The following ABL1 variants were observed in gnomAD, a reference collection of about 807,000 sequenced individuals.
The protein encoded by ABL1 is ABL proto-oncogene 1, non-receptor tyrosine kinase.
A neutral mutation model predicts 94.7 loss-of-function variants in ABL1; 11 were observed. The observed-to-expected ratio is 0.12, with a 90% CI of 0.07 to 0.19. The LOEUF is 0.19. ABL1 is among the 10% of genes least tolerant of loss of function. The probability of loss-of-function intolerance (pLI) is 1.00; values close to 1 mark genes in which losing one functional copy is unlikely to be tolerated. For missense variants in ABL1, 1,082 were observed against 1,489.4 expected, an observed-to-expected ratio of 0.73 and a Z score of 4.50; for synonymous variants, 656 against 622.4, an observed-to-expected ratio of 1.05 and a Z score of -0.80.
chr9:130,816,766 C>T (rs989331183), intron 1 of ABL1, among the ~76,000 whole-genome samples: 22 of 152,062 alleles, frequency 1.4e-4, no homozygotes, highest in Admixed American at 5.2e-4. Context: ...CAGAGTGGTG[C>T]GATCTCAGCT....
intron 4 of ABL1, among the ~76,000 whole-genome samples, chr9:130,867,880 A>G (rs1168931260): frequency 2.0e-5 from 3 of 151,216 alleles, no homozygotes; most frequent in African/African-American, 7.3e-5. Context: ...CTCGAGCTTC[A>G]AGTCCCACCT....
chr9:130,745,271 A>C (rs1483179171), intron 1 of ABL1, among the ~76,000 whole-genome samples: 1 of 151,838 alleles, frequency 6.6e-6, no homozygotes, highest in African/African-American at 2.4e-5. Context: ...TTTAGTAGAG[A>C]CAGGATTTCT....
chr9:130,718,276 C>T (rs556400873), intron 1 of ABL1, among the ~76,000 whole-genome samples: 21 of 144,556 alleles, frequency 1.5e-4, no homozygotes, highest in Non-Finnish European at 2.4e-4. Flanking sequence ...TGAGATCGCA[C>T]CACTGCACTT....
At chr9:130,766,920 A>G (rs975229842) in intron 1 of ABL1, among the ~76,000 whole-genome samples, 5 of 152,010 alleles carry the variant, frequency 3.3e-5, no homozygotes, top group Non-Finnish European at 7.4e-5. Flanking sequence ...ATGGGTACCC[A>G]TCTCAGTTAG....
Position 130,735,961 on chromosome 9 carries a change from A to ATATATTTTTT in ABL1, c.136+21507_136+21508insATATTTTTTT, listed in dbSNP as rs573602038. Among the ~76,000 whole-genome samples the ATATATTTTTT allele has an allele frequency of 3.2e-3, 307 of 94,756 alleles. 1 individual carries two copies. Among genetic ancestry groups the ATATATTTTTT allele is most frequent in the African/African-American group, 9.1e-3 (142 of 15,652 alleles). The allele number at this position is 94,756 out of a possible 152,430, so 62.2% of individuals were successfully genotyped here. ...TATATATATATATATATATATATAT[A>ATATATTTTTT]TTTTTTTTTTTTAAGACAGGGTCTG... On this transcript the variant is annotated intron_variant, in intron 1 of 10. Transcript: ENST00000372348.
At chr9:130,768,730 A>T (rs1832215008) in intron 1 of ABL1, among the ~76,000 whole-genome samples, 2 of 152,176 alleles carry the variant, frequency 1.3e-5, no homozygotes, top group African/African-American at 4.8e-5. Context: ...TAATAGGCCC[A>T]CTCTATAGGG....
At position 130,877,619 on chromosome 9, in the gene ABL1, T is replaced by C. The variant is rs1208618708; in HGVS notation, c.1271-796T>C. 1.4e-5 allele frequency among the ~76,000 whole-genome samples: 2 copies of C among 146,768 alleles called. 1 individual carries two copies. Among genetic ancestry groups the C allele is most frequent in the African/African-American group, 5.2e-5 (2 of 38,122 alleles). On this transcript the variant is annotated intron_variant, in intron 7 of 10. Transcript: ENST00000318560. ...ATGTTTGTGGGGTAAGTTTACTGAG[T>C]CTTGTTCTGTCCTGGTCTCCTTTTT...
intron 1 of ABL1, among the ~76,000 whole-genome samples, chr9:130,836,707 C>T (rs907672051): frequency 2.0e-5 from 3 of 151,760 alleles, no homozygotes; most frequent in Admixed American, 6.6e-5. Context: ...CGCCTGTAAT[C>T]CCAGCTACTC....
At chr9:130,733,291 C>G (rs1298425295) in intron 1 of ABL1, among the ~76,000 whole-genome samples, 2 of 152,178 alleles carry the variant, frequency 1.3e-5, no homozygotes, top group African/African-American at 4.8e-5. Context: ...ACAAACAACT[C>G]CCAGATTTGC....
At chr9:130,851,353 C>A (rs965088349) in intron 1 of ABL1, among the ~76,000 whole-genome samples, 1 of 152,056 alleles carries the variant, frequency 6.6e-6, no homozygotes, top group South Asian at 2.1e-4. Context: ...AGAAAAATTA[C>A]CAAATATTGT....
At position 130,767,524 on chromosome 9, in the gene ABL1, G is replaced by A. The variant is rs1832199402; in HGVS notation, c.136+53069G>A. On this transcript the variant is annotated intron_variant, in intron 1 of 10. Transcript: ENST00000372348. ...ATTTTTGTATTTTTAGTAGAGATGG[G>A]GTTTCAACATGTTAGCCAGGCTGGT... Among the ~76,000 whole-genome samples the A allele has an allele frequency of 2.6e-5, 4 of 152,266 alleles. No homozygotes were observed. In the South Asian group the frequency reaches 8.3e-4, roughly 32 times the overall value.
chr9:130,786,762 C>T (rs1829831327), intron 1 of ABL1, among the ~76,000 whole-genome samples: 1 of 152,120 alleles, frequency 6.6e-6, no homozygotes, highest in Admixed American at 6.5e-5. Context: ...ACTTTGCCAA[C>T]ACAAACAGTA....
At chr9:130,875,093 CAGG>C (rs1221193243) in intron 7 of ABL1, 41 bp downstream of exon 7, 4 of 1,573,964 alleles carry the variant, frequency 2.5e-6, no homozygotes, top group Non-Finnish European at 3.5e-6. Flanking sequence ...TTCCTGACTA[CAGG>C]AGGGTTTTTT....
chr9:130,724,938 C>T (rs1831561671), intron 1 of ABL1: 3 of 343,812 alleles, frequency 8.7e-6, no homozygotes, highest in Non-Finnish European at 1.8e-5. Flanking sequence ...GGCGGGGTAG[C>T]CACATTTGCC....
rs190872291 is a variant in ABL1 at position 130,868,771 on chromosome 9, C to T, written c.823-3358C>T. On this transcript the variant is annotated intron_variant, in intron 4 of 10. Transcript: ENST00000318560. ...CTGGCCTCAAGTTATCTGCCTGTCTCGGCCCCCCAGAGAGGCCAAGCCATT... is the reference window on the plus strand; with the variant it reads ...CTGGCCTCAAGTTATCTGCCTGTCTTGGCCCCCCAGAGAGGCCAAGCCATT... 2.8e-3 allele frequency among the ~76,000 whole-genome samples: 423 copies of T among 152,054 alleles called. 2 individuals are homozygous for T. The highest frequency in any genetic ancestry group is 4.5e-3 in the Non-Finnish European group (309 of 67,976).
At chr9:130,722,116 G>C (rs1296307747) in intron 1 of ABL1, among the ~76,000 whole-genome samples, 2 of 151,860 alleles carry the variant, frequency 1.3e-5, no homozygotes, top group Admixed American at 6.6e-5. Flanking sequence ...GGACAGGCTG[G>C]GCGTGGTGGC....
Position 130,863,056 on chromosome 9 carries a change from G to T in ABL1, c.822+21G>T, listed in dbSNP as rs1322331941. Reference sequence around the variant, plus strand: ...TGAAGGTAGGCTGGGACTGCCGGGGGTGCCCAGGGTACGTGGGGCAAGGCG... The same window carrying T: ...TGAAGGTAGGCTGGGACTGCCGGGGTTGCCCAGGGTACGTGGGGCAAGGCG... On this transcript the variant is annotated intron_variant, in intron 4 of 10. Coordinates refer to ENST00000318560, the MANE Select transcript of ABL1 (RefSeq NM_005157.6). This position sits in a 1 kb window ranked among gnomAD's most constrained non-coding sequence, Gnocchi z 4.3. The T allele has an allele frequency of 6.4e-7, 1 of 1,573,596 alleles. No individual in the cohort carries two copies. Among genetic ancestry groups the T allele is most frequent in the East Asian group, 2.3e-5 (1 of 44,296 alleles).
intron 1 of ABL1, among the ~76,000 whole-genome samples, chr9:130,792,590 G>A (rs916149918): frequency 1.3e-5 from 2 of 152,172 alleles, no homozygotes; most frequent in African/African-American, 2.4e-5. Context: ...GGAATTGGGG[G>A]AGGGTATAAG....
chr9:130,858,239 G>A (rs933723123), intron 3 of ABL1, among the ~76,000 whole-genome samples: 1 of 151,888 alleles, frequency 6.6e-6, no homozygotes, highest in Admixed American at 6.6e-5. Context: ...GTTCAAATGG[G>A]CAAGGAAAGG....
Sources: allele counts gnomAD v4.1 joint callset (sites outside exome capture counted in the v4.1 genomes callset), GRCh38; gene constraint gnomAD v4.1.1; non-coding constraint Gnocchi (gnomAD v3.1); transcripts MANE v1.5; gene names NCBI Gene and HGNC (gene_info 2026-07-23, HGNC 2026-07-21).